The following VPS41 variants were observed in gnomAD, a reference collection of about 807,000 sequenced individuals.
The protein encoded by VPS41 is VPS41 subunit of HOPS complex, also known as vacuolar protein sorting-associated protein 41 homolog.
In VPS41, 85 loss-of-function variants were observed where a neutral mutation model predicts 130.9. That is an observed-to-expected ratio of 0.65 (90% CI 0.55 to 0.78). The LOEUF (loss-of-function observed/expected upper bound fraction) is 0.78. Among genes scored for constraint, VPS41 ranks in the 30% least tolerant of loss-of-function variants. VPS41 has a pLI of 0.00. For missense variants in VPS41, 874 were observed against 1,018.7 expected, an observed-to-expected ratio of 0.86 and a Z score of 1.93; for synonymous variants, 335 against 332.9, an observed-to-expected ratio of 1.01 and a Z score of -0.07.
chr7:38,813,445 C>G (rs557784901), intron 7 of VPS41, among the ~76,000 whole-genome samples: 1 of 152,036 alleles, frequency 6.6e-6, no homozygotes, highest in East Asian at 1.9e-4. Flanking sequence ...AATTAGCTTA[C>G]GTTGATGGTT....
chr7:38,855,208 CAAA>C (rs746134361), intron 4 of VPS41, among the ~76,000 whole-genome samples: 56 of 77,238 alleles, frequency 7.3e-4, no homozygotes, highest in South Asian at 1.3e-3. Flanking sequence ...GACTCCCTCT[CAAA>C]AAAAAAAAAA....
At chr7:38,753,746 C>G (rs1189639155) in intron 21 of VPS41, among the ~76,000 whole-genome samples, 2 of 152,106 alleles carry the variant, frequency 1.3e-5, no homozygotes, top group Non-Finnish European at 2.9e-5. Flanking sequence ...CAATGTGGAG[C>G]CTTGCTTGGG....
At chr7:38,844,553 T>C (rs1785683022) in intron 4 of VPS41, among the ~76,000 whole-genome samples, 1 of 152,106 alleles carries the variant, frequency 6.6e-6, no homozygotes, top group Non-Finnish European at 1.5e-5. Context: ...CATCTGAGAA[T>C]GTGAAGAACG....
intron 4 of VPS41, among the ~76,000 whole-genome samples, chr7:38,839,714 A>G (rs1462483636): frequency 6.6e-6 from 1 of 152,114 alleles, no homozygotes; most frequent in Non-Finnish European, 1.5e-5. Flanking sequence ...TACAGGTGTG[A>G]GCCACTGTAC....
At chr7:38,878,232 C>T (rs1786531184) in intron 2 of VPS41, among the ~76,000 whole-genome samples, 1 of 152,000 alleles carries the variant, frequency 6.6e-6, no homozygotes, top group African/African-American at 2.4e-5. Flanking sequence ...ATAGTAAGTC[C>T]AAGCATTAAT....
intron 4 of VPS41, among the ~76,000 whole-genome samples, chr7:38,858,485 C>T (rs1053129171): frequency 2.6e-5 from 4 of 152,154 alleles, no homozygotes; most frequent in Non-Finnish European, 5.9e-5. Context: ...TAGTTTTTCA[C>T]GAATCCTAAG....
chr7:38,777,493 T>A (rs1784281470), intron 10 of VPS41, among the ~76,000 whole-genome samples: 1 of 152,244 alleles, frequency 6.6e-6, no homozygotes, highest in Admixed American at 6.5e-5. Context: ...TATTATTATA[T>A]GATTCTAATT....
At chr7:38,769,164 A>C (rs1374621085) in intron 14 of VPS41, among the ~76,000 whole-genome samples, 1 of 152,144 alleles carries the variant, frequency 6.6e-6, no homozygotes, top group African/African-American at 2.4e-5. Context: ...CTACTCAAGC[A>C]TTTAATTCTC....
chr7:38,727,173 A>G (rs1795561519), intron 27 of VPS41, 185 bp from the exon 28 acceptor site: 1 of 440,648 alleles, frequency 2.3e-6, no homozygotes, highest in Non-Finnish European at 3.9e-6. Context: ...TATTATAATC[A>G]TGTTGCTATG....
chr7:38,745,085 G>C (rs1349867406), intron 23 of VPS41, among the ~76,000 whole-genome samples: 2 of 152,268 alleles, frequency 1.3e-5, no homozygotes, highest in Admixed American at 1.3e-4. Flanking sequence ...GACTCATGTG[G>C]AGGTAGGAGC....
chr7:38,809,300 T>C (rs894772076), intron 7 of VPS41, among the ~76,000 whole-genome samples: 10 of 150,156 alleles, frequency 6.7e-5, no homozygotes, highest in Admixed American at 4.7e-4. Context: ...CTGGCCAACA[T>C]AGTGAAACCC....
chr7:38,755,064 T>C (rs538496967), intron 19 of VPS41, 128 bp from the exon 20 acceptor site: 1 of 753,756 alleles, frequency 1.3e-6, no homozygotes, highest in Non-Finnish European at 2.2e-6. Context: ...AGGAGGCCCT[T>C]GGCTTTACAA....
Position 38,728,582 on chromosome 7 carries a change from C to T in VPS41, c.2364G>A (p.Glu788=). The change falls in exon 27 of 29, where the codon GAG becomes GAA. Residue 788 remains glutamate (E), a synonymous_variant. Coordinates refer to ENST00000310301, the MANE Select transcript of VPS41 (RefSeq NM_014396.4). The part of the protein sequence containing the change: ...TQMKGVLVDE[E]NICESCLSPI... Reference sequence around the variant, plus strand: ...GGGAAAGGCACGACTCACAGATGTTCTCCTCTGTAAGAAAACACACATACT... The same window carrying T: ...GGGAAAGGCACGACTCACAGATGTTTTCCTCTGTAAGAAAACACACATACT... 1 of 1,614,108 alleles carries T rather than the reference C, an allele frequency of 6.2e-7. No homozygotes were observed. The highest frequency in any genetic ancestry group is 8.5e-7 in the Non-Finnish European group (1 of 1,180,004).
At chr7:38,853,117 CCT>C (rs940189531) in intron 4 of VPS41, among the ~76,000 whole-genome samples, 16 of 152,090 alleles carry the variant, frequency 1.1e-4, no homozygotes. Context: ...TTGGTGATTC[CCT>C]GTTTCATAAG....
At chr7:38,821,374 T>G (rs1279628703) in intron 5 of VPS41, 109 bp from the exon 6 acceptor site, 85 of 767,500 alleles carry the variant, frequency 1.1e-4, no homozygotes, top group Non-Finnish European at 1.4e-4. Flanking sequence ...TTAATAATTT[T>G]AAGGCCCCGT....
chr7:38,805,571 G>GA (rs34156510), intron 7 of VPS41, among the ~76,000 whole-genome samples: 61,573 of 143,650 alleles, frequency 0.43, 13,151 homozygotes, highest in Admixed American at 0.61. Flanking sequence ...CCCAAAAGTT[G>GA]AAAAAAAAAA....
chr7:38,840,696 A>G (rs1442767547), intron 4 of VPS41, among the ~76,000 whole-genome samples: 1 of 152,244 alleles, frequency 6.6e-6, no homozygotes, highest in East Asian at 1.9e-4. Context: ...AATGCAAAAT[A>G]AACATTAAAT....
intron 25 of VPS41, 99 bp downstream of exon 25, chr7:38,741,886 G>C: frequency 7.1e-7 from 1 of 1,400,736 alleles, no homozygotes; most frequent in Non-Finnish European, 9.7e-7. Flanking sequence ...CCATAAAATC[G>C]AAAGTTTTTA....
At chr7:38,862,656 T>G in intron 3 of VPS41, 34 bp from the exon 4 acceptor site, 6 of 1,339,006 alleles carry the variant, frequency 4.5e-6, no homozygotes, top group African/African-American at 1.5e-5. Flanking sequence ...GTTAATTAAT[T>G]AATAATACTA....
Sources: gnomAD v4.1 joint callset for allele counts (sites outside exome capture counted in the v4.1 genomes callset) on GRCh38, gnomAD v4.1.1 for gene constraint, MANE v1.5 for transcripts, NCBI Gene and HGNC (gene_info 2026-07-23, HGNC 2026-07-21) for gene names.